Variants in VEGFC observed in about 807,000 individuals in gnomAD.
VEGFC encodes FLT4 ligand DHM.
In VEGFC, 12 loss-of-function variants were observed where a neutral mutation model predicts 46.1. The ratio of observed to expected loss-of-function variants is 0.26; its 90% CI spans 0.17 to 0.42. VEGFC has a LOEUF of 0.42. VEGFC is among the 10% of genes least tolerant of loss of function. The pLI is 1.00. For synonymous variants in VEGFC, 232 were observed against 195.5 expected, an observed-to-expected ratio of 1.19 and a Z score of -1.56; for missense variants, 488 against 529.4, an observed-to-expected ratio of 0.92 and a Z score of 0.77.
At chr4:176,685,253 T>G (rs1579081546) in intron 6 of VEGFC, among the ~76,000 whole-genome samples, 1 of 152,232 alleles carries the variant, frequency 6.6e-6, no homozygotes, top group African/African-American at 2.4e-5. Context: ...TAGTTATGAC[T>G]ACTGGTATTC....
At chr4:176,780,340 C>T (rs905498245) in intron 1 of VEGFC, among the ~76,000 whole-genome samples, 2 of 146,060 alleles carry the variant, frequency 1.4e-5, no homozygotes, top group African/African-American at 5.1e-5. Context: ...CGAGATTACC[C>T]CACTGCACTC....
intron 1 of VEGFC, among the ~76,000 whole-genome samples, chr4:176,780,941 C>A (rs1735904547): frequency 6.6e-6 from 1 of 152,198 alleles, no homozygotes; most frequent in Non-Finnish European, 1.5e-5. Flanking sequence ...AAAATAACTA[C>A]ACTGTGCTCT....
intron 1 of VEGFC, among the ~76,000 whole-genome samples, chr4:176,768,878 C>G (rs557129045): frequency 5.9e-5 from 9 of 152,214 alleles, no homozygotes; most frequent in African/African-American, 2.2e-4. Flanking sequence ...AAGCTCTCTC[C>G]TCTTTCCTGT....
chr4:176,689,131 TTA>T (rs941017745), intron 4 of VEGFC, among the ~76,000 whole-genome samples: 5 of 152,204 alleles, frequency 3.3e-5, no homozygotes, highest in African/African-American at 1.2e-4. Context: ...AAGTATTTAT[TTA>T]TATCTTTCAC....
intron 1 of VEGFC, among the ~76,000 whole-genome samples, chr4:176,739,726 T>C (rs1004108552): frequency 1.3e-5 from 2 of 151,234 alleles, no homozygotes; most frequent in African/African-American, 4.9e-5. Flanking sequence ...AACCTACACA[T>C]CCTGCACATG....
chr4:176,748,515 GAAGAAAAGAAGGAAAGAGGA>G (rs2110890576), intron 1 of VEGFC, among the ~76,000 whole-genome samples: 1 of 151,866 alleles, frequency 6.6e-6, no homozygotes, highest in Non-Finnish European at 1.5e-5. Context: ...ATATAGAAAC[GAAGAAAAGAAGGAAAGAGGA>G]AAGGAAAGAA....
chr4:176,691,100 T>C (rs1734169186), intron 4 of VEGFC, among the ~76,000 whole-genome samples: 1 of 152,208 alleles, frequency 6.6e-6, no homozygotes, highest in South Asian at 2.1e-4. Flanking sequence ...GTTCTTCGCA[T>C]TTAAAACTTC....
rs1454282283 is a variant in VEGFC, at chr4:176,683,845, T to A, written c.*81A>T. 4.5e-5 allele frequency: 51 copies of A among 1,139,094 alleles called. No homozygotes were observed. The highest frequency in any genetic ancestry group is 5.8e-5 in the Non-Finnish European group (44 of 755,954). The allele number at this position is 1,139,094 out of a possible 1,614,324, so 70.6% of individuals were successfully genotyped here. On this transcript the variant is annotated 3_prime_UTR_variant, in exon 7 of 7. Coordinates refer to ENST00000618562, the MANE Select transcript of VEGFC (RefSeq NM_005429.5). ...CTTTGTTAGCATGGACCCACAAGGG[T>A]CTCTCTGTTCACAGACAGTTCTACT...
intron 1 of VEGFC, among the ~76,000 whole-genome samples, chr4:176,757,268 T>G (rs1163061702): frequency 6.6e-6 from 1 of 152,074 alleles, no homozygotes; most frequent in Non-Finnish European, 1.5e-5. Context: ...CATGTGTACT[T>G]GTCTTCAATT....
intron 1 of VEGFC, among the ~76,000 whole-genome samples, chr4:176,780,381 C>CAAAAAAAAAAAAAAAAAAAA: frequency 8.2e-5 from 1 of 12,254 alleles, no homozygotes; most frequent in East Asian, 2.7e-3. Flanking sequence ...GACTCCATCT[C>CAAAAAAAAAAAAAAAAAAAA]AAAAAAAAAA....
intron 1 of VEGFC, among the ~76,000 whole-genome samples, chr4:176,787,699 C>G (rs1297022498): frequency 6.6e-6 from 1 of 151,582 alleles, no homozygotes; most frequent in African/African-American, 2.4e-5. Flanking sequence ...TAAACATAAA[C>G]TCTGAAAAAA....
intron 4 of VEGFC, among the ~76,000 whole-genome samples, chr4:176,703,472 A>G (rs1236158264): frequency 1.3e-5 from 2 of 152,058 alleles, no homozygotes; most frequent in African/African-American, 4.8e-5. Flanking sequence ...GAGTCTGGGA[A>G]GTGTGGGTCA....
intron 1 of VEGFC, among the ~76,000 whole-genome samples, chr4:176,730,132 T>A (rs778647132): frequency 3.4e-4 from 51 of 152,190 alleles, no homozygotes; most frequent in Non-Finnish European, 7.2e-4. Flanking sequence ...CTTTGCTTTA[T>A]TTTTAGTTAC....
intron 1 of VEGFC, among the ~76,000 whole-genome samples, chr4:176,785,169 G>A: frequency 6.6e-6 from 1 of 152,058 alleles, no homozygotes; most frequent in East Asian, 1.9e-4. Context: ...CTTTACTATT[G>A]CATAAAAGTA....
intron 4 of VEGFC, among the ~76,000 whole-genome samples, chr4:176,700,171 T>A (rs568698733): frequency 6.6e-6 from 1 of 152,294 alleles, no homozygotes; most frequent in Non-Finnish European, 1.5e-5. Flanking sequence ...AATCCCAGCA[T>A]TTTGGGAGGT....
chr4:176,735,661 T>C (rs570952568), intron 1 of VEGFC, among the ~76,000 whole-genome samples: 1 of 151,982 alleles, frequency 6.6e-6, no homozygotes, highest in South Asian at 2.1e-4. Flanking sequence ...AGGTTACATA[T>C]GCAGGCTTCT....
At chr4:176,791,038 A>G (rs1736081789) in intron 1 of VEGFC, among the ~76,000 whole-genome samples, 1 of 152,206 alleles carries the variant, frequency 6.6e-6, no homozygotes, top group Non-Finnish European at 1.5e-5. Context: ...GATTTCCAAA[A>G]ATTAGTCTTC....
intron 1 of VEGFC, among the ~76,000 whole-genome samples, chr4:176,751,328 T>C (rs1023270402): frequency 6.6e-6 from 1 of 151,942 alleles, no homozygotes; most frequent in Non-Finnish European, 1.5e-5. Context: ...ATAGAATGGA[T>C]GGCAAAAATC....
chr4:176,687,688 G>C, intron 5 of VEGFC, 133 bp downstream of exon 5: 1 of 941,730 alleles, frequency 1.1e-6, no homozygotes, highest in South Asian at 1.8e-5. Context: ...CCAACGTGAA[G>C]TAGAAAATGT....
Sources: allele counts gnomAD v4.1 joint callset (sites outside exome capture counted in the v4.1 genomes callset), GRCh38; gene constraint gnomAD v4.1.1; transcripts MANE v1.5; gene names NCBI Gene and HGNC (gene_info 2026-07-23, HGNC 2026-07-21).